The following MYL2 variants were observed in gnomAD, a reference collection of about 807,000 sequenced individuals.
The protein encoded by MYL2 is myosin regulatory light chain 2, ventricular/cardiac muscle isoform.
Under a neutral mutation model 23.0 loss-of-function variants are expected in MYL2, and 19 were observed. That is an observed-to-expected ratio of 0.83 (90% CI 0.58 to 1.21). MYL2 has a LOEUF of 1.21. MYL2 is among the 50% of genes most tolerant of loss of function. MYL2 has a pLI of 0.00. For missense variants in MYL2, 180 were observed against 215.1 expected (o/e 0.84, Z 1.02); for synonymous variants, 78 against 76.2 (o/e 1.02, Z -0.13).
chr12:110,921,130 G>A (rs547929671), upstream of MYL2, among the ~76,000 whole-genome samples: 61 of 152,342 alleles, frequency 4.0e-4, no homozygotes, highest in Non-Finnish European at 6.3e-4. Flanking sequence ...AGGCCGAGGC[G>A]GGAAGATTGC....
intron 6 of MYL2, 54 bp from the exon 7 acceptor site, chr12:110,911,229 AG>A (rs2136768097): frequency 4.7e-6 from 1 of 211,098 alleles, no homozygotes; most frequent in Admixed American, 5.6e-5. Context: ...ACTGAGACGG[AG>A]GGTGGGGGGC....
In MYL2 at chr12:110,915,803, A is replaced by C; in HGVS notation, c.94-13T>G. The C allele has an allele frequency of 6.2e-7, 1 of 1,613,090 alleles. No homozygotes were observed. The highest frequency in any genetic ancestry group is 1.1e-5 in the South Asian group (1 of 91,066). ...TGATAGTGAAGGCCTGTGGAAGGGA[A>C]GTGATTGGCAGCTCAGCCTGGGAGA... On this transcript the variant is annotated splice_polypyrimidine_tract_variant and intron_variant, in intron 2 of 6. Transcript: ENST00000228841.
chr12:110,919,038 A>T, intron 2 of MYL2, 66 bp downstream of exon 2: 1 of 1,480,348 alleles, frequency 6.8e-7, no homozygotes, highest in Non-Finnish European at 9.4e-7. Flanking sequence ...AATATGGAAC[A>T]AAAAGAAGGT....
At chr12:110,919,976 G>A (rs556589048) in intron 1 of MYL2, among the ~76,000 whole-genome samples, 50 of 152,278 alleles carry the variant, frequency 3.3e-4, no homozygotes, top group African/African-American at 1.0e-3. Context: ...GGCAGAGCCG[G>A]AGTTGAACTT....
intron 5 of MYL2, 42 bp downstream of exon 5, chr12:110,913,204 G>A (rs1398912484): frequency 6.2e-7 from 1 of 1,607,488 alleles, no homozygotes; most frequent in Admixed American, 1.7e-5. Context: ...GGGACAGGGG[G>A]CAAGCAGGGA....
At chr12:110,912,112 T>C (rs147621378) in intron 6 of MYL2, among the ~76,000 whole-genome samples, 21 of 152,266 alleles carry the variant, frequency 1.4e-4, no homozygotes, top group Non-Finnish European at 2.4e-4. Context: ...AAAATCTACA[T>C]ACAATTTTTA....
chr12:110,920,600 CAATA>C (rs1001437310), upstream of MYL2: 8 of 1,609,980 alleles, frequency 5.0e-6, no homozygotes, highest in African/African-American at 1.1e-4. Context: ...AGCCCAGGAA[CAATA>C]AATACTTCCT....
rs775394580 is a variant in MYL2, at chr12:110,918,955, T to C, written c.93+149A>G. The C allele has an allele frequency of 3.1e-6, 2 of 653,900 alleles. No homozygotes were observed. The highest frequency in any genetic ancestry group is 5.4e-6 in the Non-Finnish European group (2 of 368,412). 40.5% of individuals were successfully genotyped at this position (653,900 alleles called of 1,614,324 possible). A position where few individuals can be genotyped will look rare whatever the true frequency, so the allele number is the denominator to read the frequency against. ...TATTAAAAATAGTTTCTTTTAAAAA[T>C]TCACACATCCGTTCAGGCCGAATTT... On this transcript the variant is annotated intron_variant, in intron 2 of 6. Coordinates refer to ENST00000228841, the MANE Select transcript of MYL2 (RefSeq NM_000432.4). This position sits in a 1 kb window ranked among gnomAD's most constrained non-coding sequence, Gnocchi z 4.4.
chr12:110,915,409 C>T (rs530274160), intron 3 of MYL2, among the ~76,000 whole-genome samples: 1 of 152,282 alleles, frequency 6.6e-6, no homozygotes, highest in East Asian at 1.9e-4. Flanking sequence ...GGAATATGAC[C>T]TTCTGGGTGA....
chr12:110,913,064 G>A, intron 6 of MYL2, 32 bp downstream of exon 6: 1 of 1,613,618 alleles, frequency 6.2e-7, no homozygotes, highest in South Asian at 1.1e-5. Context: ...CCAGGAGCTG[G>A]GTTAGAGGGA....
chr12:110,920,809 C>T, upstream of MYL2: 1 of 580,030 alleles, frequency 1.7e-6, no homozygotes, highest in Non-Finnish European at 3.1e-6. Flanking sequence ...GGGAGAGATG[C>T]TGCGCGCTCT....
Position 110,919,144 on chromosome 12 carries a change from AAC to A in MYL2, c.51_52del (p.Phe18LeufsTer12). 1 of 1,613,884 alleles carries A rather than the reference AAC, an allele frequency of 6.2e-7. No individual in the cohort carries two copies. Among genetic ancestry groups the A allele is most frequent in the Non-Finnish European group, 8.5e-7 (1 of 1,180,016 alleles). ...GATTTGGGTCTGTTCGAACATGGAGAACACGTTGGAGTTGGCGCCCCCGGCTC... is the reference window on the plus strand; with the variant it reads ...GATTTGGGTCTGTTCGAACATGGAGAACGTTGGAGTTGGCGCCCCCGGCTC... On this transcript the variant is annotated frameshift_variant, in exon 2 of 7. Coordinates refer to ENST00000228841, the MANE Select transcript of MYL2 (RefSeq NM_000432.4). LOFTEE classifies it high-confidence loss of function.
intron 1 of MYL2, 82 bp downstream of exon 1, chr12:110,920,445 C>G (rs1315448249): frequency 6.8e-6 from 11 of 1,605,954 alleles, no homozygotes; most frequent in African/African-American, 1.3e-5. Flanking sequence ...CCTTCCTCCC[C>G]CTCCGCCGTG....
chr12:110,920,437 T>A, intron 1 of MYL2, 90 bp downstream of exon 1: 1 of 1,596,188 alleles, frequency 6.3e-7, no homozygotes, highest in Non-Finnish European at 8.6e-7. Flanking sequence ...GAGGGCCGCC[T>A]TCCTCCCCCT....
chr12:110,921,245 C>T (rs1254829846), upstream of MYL2, among the ~76,000 whole-genome samples: 1 of 152,208 alleles, frequency 6.6e-6, no homozygotes, highest in African/African-American at 2.4e-5. Flanking sequence ...CCTATAGTCT[C>T]AGCTATTCAG....
At chr12:110,912,974 G>T in intron 6 of MYL2, 122 bp downstream of exon 6, 1 of 1,114,348 alleles carries the variant, frequency 9.0e-7, no homozygotes, top group African/African-American at 1.5e-5. Context: ...GGCCTCAGAA[G>T]ACGATAGCTG....
In MYL2 at chr12:110,911,083, C is replaced by T; in HGVS notation, c.495G>A (p.Lys165=). ...LVHIITHGEE[K]D ...CGCAGCAGCGAGCCCCCTCCTAGTC[C>T]TTCTCTTCTCCGTGGGTGATGATGT... is the stretch of plus-strand genomic sequence containing the variant. Residue 165 remains lysine, a synonymous_variant, in exon 7 of 7, where the codon AAG becomes AAA. Coordinates refer to ENST00000228841, the MANE Select transcript of MYL2 (RefSeq NM_000432.4). 6.2e-7 allele frequency: 1 copy of T among 1,614,034 alleles called. No individual in the cohort carries two copies. The highest frequency in any genetic ancestry group is 8.5e-7 in the Non-Finnish European group (1 of 1,179,976).
rs1177312267 is a variant in MYL2, at chr12:110,913,190, AG to A, written c.354-47del. On this transcript the variant is annotated intron_variant, in intron 5 of 6. Transcript: ENST00000228841. ...GTGTTGGTGTCAGTTGTGTGTGTGT[AG>A]GGGGGACAGGGGGCAAGCAGGGAAC... The A allele has an allele frequency of 3.1e-6, 5 of 1,610,218 alleles. No individual in the cohort carries two copies. The South Asian group carries it at 5.5e-5, about 18-fold the overall frequency.
intron 1 of MYL2, 122 bp downstream of exon 1, chr12:110,920,405 T>C (rs901039860): frequency 1.4e-6 from 2 of 1,469,178 alleles, no homozygotes; most frequent in Non-Finnish European, 1.9e-6. Context: ...TGGGGCTTTT[T>C]CCACAAGGGG....
Sources: allele counts gnomAD v4.1 joint callset (sites outside exome capture counted in the v4.1 genomes callset), GRCh38; gene constraint gnomAD v4.1.1; non-coding constraint Gnocchi (gnomAD v3.1); transcripts MANE v1.5; gene names NCBI Gene and HGNC (gene_info 2026-07-23, HGNC 2026-07-21).